STK3: variants seen among roughly 807,000 people sequenced by gnomAD.
STK3 encodes the protein serine/threonine kinase 3.
Under a neutral mutation model 58.0 loss-of-function variants are expected in STK3, and 41 were observed. The observed-to-expected ratio is 0.71, with a 90% CI of 0.55 to 0.92. STK3 has a LOEUF of 0.92. STK3 is among the 40% of genes least tolerant of loss of function. The pLI, the probability that STK3 is intolerant of heterozygous loss-of-function variation, is 0.00. For missense variants in STK3, 479 were observed against 602.7 expected, an observed-to-expected ratio of 0.79 and a Z score of 2.15; for synonymous variants, 170 against 191.0, an observed-to-expected ratio of 0.89 and a Z score of 0.91.
intron 3 of STK3, among the ~76,000 whole-genome samples, chr8:98,754,826 A>G (rs1237408406): frequency 6.6e-6 from 1 of 152,206 alleles, no homozygotes; most frequent in Non-Finnish European, 1.5e-5. Context: ...AATTCTTTAA[A>G]TATGAATGTT....
At chr8:98,381,135 TAA>T (rs1384978838) in intron 1 of STK3, among the ~76,000 whole-genome samples, 1 of 152,048 alleles carries the variant, frequency 6.6e-6, no homozygotes, top group Non-Finnish European at 1.5e-5. Context: ...CATGTCCGGC[TAA>T]TTTTTGTATT....
chr8:98,767,572 T>C (rs184612793), intron 2 of STK3, among the ~76,000 whole-genome samples: 1 of 152,350 alleles, frequency 6.6e-6, no homozygotes, highest in Admixed American at 6.5e-5. Context: ...AGACTTAAAA[T>C]AGTCAAGTTA....
chr8:98,528,677 G>A (rs1825927264), intron 9 of STK3, among the ~76,000 whole-genome samples: 1 of 151,896 alleles, frequency 6.6e-6, no homozygotes, highest in South Asian at 2.1e-4. Flanking sequence ...GTAGAGATGG[G>A]GTTTCTCCAT....
At chr8:98,882,347 G>GT (rs1403889081), downstream of STK3, 1 of 151,304 alleles carries the variant, frequency 6.6e-6, no homozygotes, top group African/African-American at 2.4e-5. Context: ...AATTGAAGAG[G>GT]TAAAAAATAA....
At chr8:98,533,055 T>G (rs1298200182) in intron 9 of STK3, among the ~76,000 whole-genome samples, 1 of 152,188 alleles carries the variant, frequency 6.6e-6, no homozygotes, top group Non-Finnish European at 1.5e-5. Flanking sequence ...CAAGAATAAA[T>G]AACATTCAAC....
chr8:98,544,929 C>T (rs1453774616), intron 9 of STK3, among the ~76,000 whole-genome samples: 1 of 152,104 alleles, frequency 6.6e-6, no homozygotes, highest in African/African-American at 2.4e-5. Flanking sequence ...CTAGTGCTAC[C>T]AATCTAGCCA....
chr8:98,471,951 T>C (rs1024416663), intron 10 of STK3, among the ~76,000 whole-genome samples: 2 of 152,202 alleles, frequency 1.3e-5, no homozygotes, highest in East Asian at 1.9e-4. Context: ...GGTACTTACT[T>C]TACAAGAAGT....
At chr8:98,858,290 GTATATATATATATATATATATA>G (rs71572027) in intron 3 of STK3, among the ~76,000 whole-genome samples, 1 of 34,368 alleles carries the variant, frequency 2.9e-5, no homozygotes, top group African/African-American at 1.3e-4. Context: ...ACATACATAC[GTATATATATATATATATATATA>G]TATATATATA....
intron 1 of STK3, among the ~76,000 whole-genome samples, chr8:98,937,799 T>C (rs1032740594): frequency 1.3e-5 from 2 of 152,244 alleles, no homozygotes; most frequent in African/African-American, 4.8e-5. Context: ...TACAAGGATA[T>C]ACTACATTTT....
At chr8:98,803,195 A>G (rs1833676517) in intron 1 of STK3, among the ~76,000 whole-genome samples, 3 of 152,354 alleles carry the variant, frequency 2.0e-5, no homozygotes, top group South Asian at 4.1e-4. Flanking sequence ...GCCTGATTCA[A>G]TAATTACTTC....
intron 6 of STK3, among the ~76,000 whole-genome samples, chr8:98,677,925 T>G (rs1167979213): frequency 1.3e-5 from 2 of 152,228 alleles, no homozygotes; most frequent in African/African-American, 4.8e-5. Flanking sequence ...ACTAAGAAGC[T>G]GGCAACAGAA....
At chr8:98,447,700 A>G (rs1270394163) in intron 1 of STK3, among the ~76,000 whole-genome samples, 1 of 147,294 alleles carries the variant, frequency 6.8e-6, no homozygotes, top group Non-Finnish European at 1.5e-5. Context: ...AATACTATAT[A>G]TAGTATCTAT....
chr8:98,753,661 C>G (rs964532731), intron 3 of STK3, among the ~76,000 whole-genome samples: 3 of 151,752 alleles, frequency 2.0e-5, no homozygotes, highest in Non-Finnish European at 4.4e-5. Flanking sequence ...ATAATAAAAA[C>G]ATCAGTCATC....
intron 6 of STK3, among the ~76,000 whole-genome samples, chr8:98,613,965 G>T (rs751305119): frequency 6.6e-6 from 1 of 152,082 alleles, no homozygotes; most frequent in Non-Finnish European, 1.5e-5. Flanking sequence ...ACATTACATA[G>T]TGATGAGACA....
intron 4 of STK3, among the ~76,000 whole-genome samples, chr8:98,738,018 T>C (rs1828768307): frequency 6.6e-6 from 1 of 152,152 alleles, no homozygotes; most frequent in South Asian, 2.1e-4. Flanking sequence ...CCGAATGATT[T>C]TCAAGAGGAT....
chr8:98,437,826 C>A (rs1245233883), intron 1 of STK3: 1 of 152,188 alleles, frequency 6.6e-6, no homozygotes, highest in Non-Finnish European at 1.5e-5. Context: ...TTCTGCATTT[C>A]TTTTTGTGGG....
intron 3 of STK3, among the ~76,000 whole-genome samples, chr8:98,867,318 G>T (rs954693039): frequency 6.6e-6 from 1 of 152,146 alleles, no homozygotes; most frequent in African/African-American, 2.4e-5. Context: ...GCAGGCTGGG[G>T]CAAGAGGATC....
intron 10 of STK3, among the ~76,000 whole-genome samples, chr8:98,469,437 T>A (rs1216011935): frequency 6.6e-6 from 1 of 152,218 alleles, no homozygotes; most frequent in Non-Finnish European, 1.5e-5. Context: ...GCTGCACCTC[T>A]TGCAAAGGCA....
At chr8:98,809,225 T>A (rs1236355250) in intron 1 of STK3, among the ~76,000 whole-genome samples, 4 of 152,226 alleles carry the variant, frequency 2.6e-5, no homozygotes, top group Non-Finnish European at 5.9e-5. Flanking sequence ...TTGTAGCCAA[T>A]GACTGAACTT....
Sources: gnomAD v4.1 joint callset for allele counts (sites outside exome capture counted in the v4.1 genomes callset) on GRCh38, gnomAD v4.1.1 for gene constraint, MANE v1.5 for transcripts, NCBI Gene and HGNC (gene_info 2026-07-23, HGNC 2026-07-21) for gene names.